The following DSCAML1 variants were observed in gnomAD, a reference collection of about 807,000 sequenced individuals.
DSCAML1 encodes DS cell adhesion molecule like 1.
In DSCAML1, 38 loss-of-function variants were observed where a neutral mutation model predicts 200.5. The observed-to-expected ratio is 0.19, with a 90% CI of 0.15 to 0.25. DSCAML1 has a LOEUF of 0.25. Ranked by LOEUF, DSCAML1 falls within the 10% of genes least tolerant of loss-of-function variation. The probability of loss-of-function intolerance (pLI) is 1.00; values close to 1 mark genes in which losing one functional copy is unlikely to be tolerated. For synonymous variants in DSCAML1, 1,215 were observed against 1,165.0 expected, an observed-to-expected ratio of 1.04 and a Z score of -0.87; for missense variants, 2,223 against 2,858.8, an observed-to-expected ratio of 0.78 and a Z score of 5.07.
At chr11:117,452,472 T>C (rs2137122045) in intron 19 of DSCAML1, among the ~76,000 whole-genome samples, 1 of 152,346 alleles carries the variant, frequency 6.6e-6, no homozygotes. Flanking sequence ...TCCATTCATG[T>C]TGAACCTTTC....
At position 117,561,398 on chromosome 11, in the gene DSCAML1, C is replaced by T. The variant is rs185616449; in HGVS notation, c.512-28876G>A. Among the ~76,000 whole-genome samples the T allele has an allele frequency of 7.4e-4, 112 of 152,322 alleles. 1 individual carries two copies. Among genetic ancestry groups the T allele is most frequent in the Non-Finnish European group, 1.2e-3 (80 of 68,016 alleles). ...TTGTGCCAGATGACTCTTCAGACCT[C>T]GCTCTGTGATTCTGCCACTCCTGCA... is the stretch of plus-strand genomic sequence containing the variant. On this transcript the variant is annotated intron_variant, in intron 3 of 32. Transcript: ENST00000651296.
intron 3 of DSCAML1, among the ~76,000 whole-genome samples, chr11:117,623,298 C>A (rs2051977328): frequency 6.9e-6 from 1 of 144,788 alleles, no homozygotes; most frequent in Non-Finnish European, 1.5e-5. Context: ...TTCACTGCAA[C>A]CTCCACATCT....
rs71037499 is a variant in DSCAML1 at position 117,780,304 on chromosome 11, G to GAAAGAAAGAGAA, written c.364+188_364+189insTTCTCTTTCTTT. 1.6e-3 allele frequency among the ~76,000 whole-genome samples: 155 copies of GAAAGAAAGAGAA among 98,364 alleles called. 1 individual carries two copies. The highest frequency in any genetic ancestry group is 9.9e-3 in the Middle Eastern group (2 of 202). 64.5% of individuals were successfully genotyped at this position (98,364 alleles called of 152,430 possible). A position where few individuals can be genotyped will look rare whatever the true frequency, so the allele number is the denominator to read the frequency against. On this transcript the variant is annotated intron_variant, in intron 2 of 32. Coordinates refer to ENST00000651296, the MANE Select transcript of DSCAML1 (RefSeq NM_020693.4). The surrounding 1 kb of genome is among the most constrained non-coding windows in gnomAD (Gnocchi z 4.8). ...AGAAAGAAAGAAAGAAAGAAAGAAA[G>GAAAGAAAGAGAA]AGAGAAAGGAGAAAGAAAGGTGTCT...
intron 3 of DSCAML1, among the ~76,000 whole-genome samples, chr11:117,699,002 G>A (rs909075196): frequency 6.6e-6 from 1 of 152,206 alleles, no homozygotes; most frequent in Admixed American, 6.5e-5. Context: ...AATATTACCC[G>A]GAAGAGGTAA....
chr11:117,677,613 A>G (rs2053238116), intron 3 of DSCAML1, among the ~76,000 whole-genome samples: 1 of 152,152 alleles, frequency 6.6e-6, no homozygotes, highest in Non-Finnish European at 1.5e-5. Context: ...GGAGGGCTGC[A>G]GGACCATGGG....
intron 3 of DSCAML1, among the ~76,000 whole-genome samples, chr11:117,698,323 C>T (rs192390458): frequency 3.9e-5 from 6 of 152,254 alleles, no homozygotes; most frequent in East Asian, 3.9e-4. Flanking sequence ...AATTACCTAA[C>T]GGGTAACAAT....
At chr11:117,773,060 C>A (rs943990014) in intron 3 of DSCAML1, among the ~76,000 whole-genome samples, 1 of 152,230 alleles carries the variant, frequency 6.6e-6, no homozygotes, top group African/African-American at 2.4e-5. Context: ...GTTTCCTTGG[C>A]CAGCTTCAGG....
At chr11:117,633,622 C>T (rs1174920413) in intron 3 of DSCAML1, among the ~76,000 whole-genome samples, 1 of 152,232 alleles carries the variant, frequency 6.6e-6, no homozygotes, top group African/African-American at 2.4e-5. Flanking sequence ...GACCCTCAAT[C>T]CTTCAGCATG....
At chr11:117,632,074 C>T (rs1194632649) in intron 3 of DSCAML1, among the ~76,000 whole-genome samples, 1 of 152,362 alleles carries the variant, frequency 6.6e-6, no homozygotes, top group South Asian at 2.1e-4. Flanking sequence ...AGGAACTCTG[C>T]CCGATGTCGA....
chr11:117,759,382 CA>C (rs1178755248), intron 3 of DSCAML1, among the ~76,000 whole-genome samples: 1 of 152,202 alleles, frequency 6.6e-6, no homozygotes, highest in Non-Finnish European at 1.5e-5. Context: ...AGAGCTAAAG[CA>C]AGAAGGCAGC....
chr11:117,777,804 A>C (rs1019862936), intron 2 of DSCAML1, among the ~76,000 whole-genome samples: 3 of 152,046 alleles, frequency 2.0e-5, no homozygotes, highest in African/African-American at 4.8e-5. Context: ...CCCTACAGGC[A>C]GGCAGACCCA....
chr11:117,643,362 G>A (rs1227014860), intron 3 of DSCAML1, among the ~76,000 whole-genome samples: 5 of 152,134 alleles, frequency 3.3e-5, no homozygotes, highest in African/African-American at 4.8e-5. Context: ...TGGGGAGGAC[G>A]TACTATCCCC....
intron 3 of DSCAML1, among the ~76,000 whole-genome samples, chr11:117,757,646 T>G (rs2137883592): frequency 6.6e-6 from 1 of 151,832 alleles, no homozygotes; most frequent in South Asian, 2.1e-4. Context: ...AACATCATAT[T>G]AGGATCTTTT....
At chr11:117,718,413 G>A (rs1268567949) in intron 3 of DSCAML1, among the ~76,000 whole-genome samples, 1 of 152,252 alleles carries the variant, frequency 6.6e-6, no homozygotes, top group Non-Finnish European at 1.5e-5. Flanking sequence ...CTCAGTTCCA[G>A]CATAGGTGCA....
chr11:117,535,912 G>A (rs1296452596), intron 3 of DSCAML1, among the ~76,000 whole-genome samples: 1 of 122,780 alleles, frequency 8.1e-6, no homozygotes, highest in Non-Finnish European at 1.7e-5. Context: ...GGGGGGTGGG[G>A]GGCTGATGCT....
At chr11:117,802,601 T>C (rs569139322) in intron 1 of DSCAML1, among the ~76,000 whole-genome samples, 2 of 152,290 alleles carry the variant, frequency 1.3e-5, no homozygotes, top group African/African-American at 2.4e-5. Flanking sequence ...AGTTCTCGTA[T>C]TGGAGTTTCT....
intron 17 of DSCAML1, among the ~76,000 whole-genome samples, chr11:117,464,707 G>A (rs1893968): frequency 0.14 from 20,924 of 152,190 alleles, 1,664 homozygotes; most frequent in Admixed American, 0.2. Context: ...AACAGAGACC[G>A]GATGAGCACA....
intron 3 of DSCAML1, among the ~76,000 whole-genome samples, chr11:117,634,022 G>A (rs965728539): frequency 3.9e-5 from 6 of 152,212 alleles, no homozygotes; most frequent in African/African-American, 1.4e-4. Flanking sequence ...CACCGTGCTG[G>A]AGATTGTGGA....
chr11:117,583,149 G>A (rs1174314811), intron 3 of DSCAML1, among the ~76,000 whole-genome samples: 2 of 151,934 alleles, frequency 1.3e-5, no homozygotes, highest in Admixed American at 1.3e-4. Context: ...CCCTCCGCAT[G>A]CTGATGGGCG....
Sources: gnomAD v4.1 joint callset for allele counts (sites outside exome capture counted in the v4.1 genomes callset) on GRCh38, gnomAD v4.1.1 for gene constraint, Gnocchi (gnomAD v3.1) non-coding constraint, MANE v1.5 for transcripts, NCBI Gene and HGNC (gene_info 2026-07-23, HGNC 2026-07-21) for gene names.